SELENOK: variants seen among roughly 807,000 people sequenced by gnomAD.
SELENOK encodes the protein selenoprotein K.
In SELENOK, 11 loss-of-function variants were observed where a neutral mutation model predicts 17.3. That is an observed-to-expected ratio of 0.63 (90% CI 0.40 to 1.05). The LOEUF (loss-of-function observed/expected upper bound fraction) is 1.05, where lower values mean the gene tolerates loss of function less well. Ranked by LOEUF, SELENOK falls within the 50% of genes least tolerant of loss-of-function variation. SELENOK has a pLI of 0.00. For synonymous variants in SELENOK, 45 were observed against 35.4 expected (o/e 1.27, Z -0.97); for missense variants, 125 against 113.9 (o/e 1.10, Z -0.44).
In SELENOK at chr3:53,888,401, C is replaced by T; in HGVS notation, c.102G>A (p.Val34=). ...AGCTCTTCTATACTTACAACAAAAC[C>T]ACAAACTCAGCTATTCCCCAGAAGA... ...TDFFWGIAEF[V]VLFFKTLLQQ... The change falls in exon 2 of 5, where the codon GTG becomes GTA. Residue 34 remains valine, a synonymous_variant. Coordinates refer to ENST00000495461, the MANE Select transcript of SELENOK (RefSeq NM_021237.5). The T allele has an allele frequency of 6.2e-7, 1 of 1,610,602 alleles. No individual in the cohort carries two copies. Among genetic ancestry groups the T allele is most frequent in the Non-Finnish European group, 8.5e-7 (1 of 1,177,522 alleles).
chr3:53,885,667 TAAC>T, intron 4 of SELENOK, 106 bp from the exon 5 acceptor site: 1 of 1,308,152 alleles, frequency 7.6e-7, no homozygotes, highest in Non-Finnish European at 1.1e-6. Flanking sequence ...GACATTTTGA[TAAC>T]AAGGCCAGTG....
chr3:53,887,637 C>T (rs1700136455), intron 2 of SELENOK, among the ~76,000 whole-genome samples: 1 of 152,164 alleles, frequency 6.6e-6, no homozygotes, highest in South Asian at 2.1e-4. Flanking sequence ...AACTTCTATG[C>T]CATCCTTCAT....
At position 53,884,989 on chromosome 3, in the gene SELENOK, C is replaced by G. The variant is rs1700113790; in HGVS notation, c.*569G>C. On this transcript the variant is annotated 3_prime_UTR_variant, in exon 5 of 5. Coordinates refer to ENST00000495461, the MANE Select transcript of SELENOK (RefSeq NM_021237.5). ...TCATTTTGTAGCTCAGTTTTGTTAG[C>G]TATGGTTTTATAAATACCCTGATAA... 6.6e-6 allele frequency: 1 copy of G among 152,160 alleles called. No individual in the cohort carries two copies. The highest frequency in any genetic ancestry group is 1.5e-5 in the Non-Finnish European group (1 of 68,048). The allele number at this position is 152,160 out of a possible 1,614,324, so 9.4% of individuals were successfully genotyped here.
chr3:53,887,985 G>T (rs1417314337), intron 2 of SELENOK: 1 of 152,480 alleles, frequency 6.6e-6, no homozygotes, highest in South Asian at 2.1e-4. Flanking sequence ...TACTTCTTTG[G>T]AATTTTTTTT....
chr3:53,884,586 A>C lies in SELENOK; in HGVS notation c.*972T>G, dbSNP rs1700110254. ...AGTATTCAGATGGAGTTTAAAGCCAATAGGCAGTATTTTGAGTGATGCTAT... is the reference window on the plus strand; with the variant it reads ...AGTATTCAGATGGAGTTTAAAGCCACTAGGCAGTATTTTGAGTGATGCTAT... On this transcript the variant is annotated 3_prime_UTR_variant, in exon 5 of 5. Coordinates refer to ENST00000495461, the MANE Select transcript of SELENOK (RefSeq NM_021237.5). 6.6e-6 allele frequency: 1 copy of C among 152,242 alleles called. No individual in the cohort carries two copies. Among genetic ancestry groups the C allele is most frequent in the African/African-American group, 2.4e-5 (1 of 41,468 alleles). The allele number at this position is 152,242 out of a possible 1,614,324, so 9.4% of individuals were successfully genotyped here. A position where few individuals can be genotyped will look rare whatever the true frequency, so the allele number is the denominator to read the frequency against.
intron 1 of SELENOK, among the ~76,000 whole-genome samples, chr3:53,889,879 C>G (rs532038672): frequency 6.6e-6 from 1 of 152,294 alleles, no homozygotes; most frequent in East Asian, 1.9e-4. Flanking sequence ...TAGACTCTAG[C>G]TTTATCTTAA....
chr3:53,887,024 G>T (rs769091659), intron 2 of SELENOK, 90 bp from the exon 3 acceptor site: 1 of 1,056,514 alleles, frequency 9.5e-7, no homozygotes, highest in East Asian at 2.7e-5. Flanking sequence ...ATCTCTGTGA[G>T]AGGATTACTA....
chr3:53,891,623 G>C, intron 1 of SELENOK, 147 bp downstream of exon 1: 1 of 997,352 alleles, frequency 1.0e-6, no homozygotes, highest in Non-Finnish European at 1.5e-6. Flanking sequence ...GCAAGCCGAG[G>C]CGACTTCGGT....
At chr3:53,890,849 C>T (rs541803364) in intron 1 of SELENOK, 49 of 152,368 alleles carry the variant, frequency 3.2e-4, no homozygotes, top group African/African-American at 1.2e-3. Context: ...TGGAGAAAAA[C>T]AGATGACTCA....
In SELENOK at chr3:53,886,890, T is replaced by C. The variant is rs1297039488; in HGVS notation, c.155A>G (p.Tyr52Cys). 8 of 1,573,246 alleles carry C rather than the reference T, an allele frequency of 5.1e-6. No homozygotes were observed. Among genetic ancestry groups the C allele is most frequent in the Admixed American group, 1.8e-5 (1 of 54,612 alleles). Reference protein sequence around the residue: ...LQQDVKKRRSYGNSSDSRYDD... With the variant: ...LQQDVKKRRSCGNSSDSRYDD... Reference sequence around the variant, plus strand: ...ATATCTGGAATCAGATGAGTTTCCATAGCTTCTTCTTTTTTTCACATCTTG... The same window carrying C: ...ATATCTGGAATCAGATGAGTTTCCACAGCTTCTTCTTTTTTTCACATCTTG... The change falls in exon 3 of 5, where the codon TAT becomes TGT. Residue 52 changes from tyrosine (Y) to cysteine (C), a missense_variant. By Grantham distance (194) the Tyr-to-Cys change is radical. Coordinates refer to ENST00000495461, the MANE Select transcript of SELENOK (RefSeq NM_021237.5).
At chr3:53,887,296 G>A (rs9814547) in intron 2 of SELENOK, among the ~76,000 whole-genome samples, 2,493 of 152,300 alleles carry the variant, frequency 0.016, 87 homozygotes, top group African/African-American at 0.057. Context: ...GGAAGGAGGG[G>A]CCAAGGGTGG....
Position 53,886,981 on chromosome 3 carries a change from T to A in SELENOK, c.111-47A>T, listed in dbSNP as rs541034566. 14 of 1,369,320 alleles carry A rather than the reference T, an allele frequency of 1.0e-5. No homozygotes were observed. In the Admixed American group the frequency reaches 1.7e-4, roughly 16 times the overall value. The allele number at this position is 1,369,320 out of a possible 1,614,324, so 84.8% of individuals were successfully genotyped here. ...AACAAAGGTATCACTTTTGACAACATTCTAAAATATATTTCCATGTTTTTT... is the reference window on the plus strand; with the variant it reads ...AACAAAGGTATCACTTTTGACAACAATCTAAAATATATTTCCATGTTTTTT... On this transcript the variant is annotated intron_variant, in intron 2 of 4. Coordinates refer to ENST00000495461, the MANE Select transcript of SELENOK (RefSeq NM_021237.5).
chr3:53,885,941 G>C, intron 3 of SELENOK, 29 bp from the exon 4 acceptor site: 1 of 1,392,050 alleles, frequency 7.2e-7, no homozygotes, highest in East Asian at 2.6e-5. Flanking sequence ...AGTATCTACT[G>C]TTTGATAGAC....
rs1700117198 is a variant in SELENOK, at chr3:53,885,376, C to G, written c.*182G>C. Reference sequence around the variant, plus strand: ...TGCATTTATGGAACTGCATGTCAGTCAGGCCAGTTCCCTGCAGAGGGAATT... The same window carrying G: ...TGCATTTATGGAACTGCATGTCAGTGAGGCCAGTTCCCTGCAGAGGGAATT... On this transcript the variant is annotated 3_prime_UTR_variant, in exon 5 of 5. Coordinates refer to ENST00000495461, the MANE Select transcript of SELENOK (RefSeq NM_021237.5). The G allele has an allele frequency of 3.6e-6, 2 of 551,194 alleles. No homozygotes were observed. Among genetic ancestry groups the G allele is most frequent in the Admixed American group, 6.7e-5 (2 of 29,810 alleles). 34.1% of individuals were successfully genotyped at this position (551,194 alleles called of 1,614,324 possible). A position where few individuals can be genotyped will look rare whatever the true frequency, so the allele number is the denominator to read the frequency against.
Position 53,885,513 on chromosome 3 carries a change from G to A in SELENOK, c.*45C>T. 2 of 1,596,156 alleles carry A rather than the reference G, an allele frequency of 1.3e-6. No individual in the cohort carries two copies. Among genetic ancestry groups the A allele is most frequent in the Non-Finnish European group, 1.7e-6 (2 of 1,169,908 alleles). The stretch of plus-strand genomic sequence containing the variant: ...TTCCACTTCTTGATGGTTTCCTTCT[G>A]CTATGAATGCGCATGTCCGGTTGTC... On this transcript the variant is annotated 3_prime_UTR_variant, in exon 5 of 5. Coordinates refer to ENST00000495461, the MANE Select transcript of SELENOK (RefSeq NM_021237.5).
At chr3:53,889,523 T>A (rs145711992) in intron 1 of SELENOK, among the ~76,000 whole-genome samples, 1 of 152,354 alleles carries the variant, frequency 6.6e-6, no homozygotes, top group East Asian at 1.9e-4. Context: ...TGATGGACAC[T>A]TGAGTTGCTT....
Position 53,885,482 on chromosome 3 carries a change from T to A in SELENOK, c.*76A>T. The A allele has an allele frequency of 6.9e-7, 1 of 1,440,400 alleles. No homozygotes were observed. The allele number at this position is 1,440,400 out of a possible 1,614,324, so 89.2% of individuals were successfully genotyped here. On this transcript the variant is annotated 3_prime_UTR_variant, in exon 5 of 5. Transcript: ENST00000495461. Reference sequence around the variant, plus strand: ...CACATTCATCTACTGCTCATCATGGTCAGCCTTCCACTTCTTGATGGTTTC... The same window carrying A: ...CACATTCATCTACTGCTCATCATGGACAGCCTTCCACTTCTTGATGGTTTC...
In SELENOK at chr3:53,885,531, C is replaced by T. The variant is rs1279434144; in HGVS notation, c.*27G>A. The T allele has an allele frequency of 5.6e-6, 9 of 1,605,956 alleles. No homozygotes were observed. The highest frequency in any genetic ancestry group is 7.6e-6 in the Non-Finnish European group (9 of 1,176,522). ...TCCTTCTGCTATGAATGCGCATGTC[C>T]GGTTGTCTGCTTCTTAGAGCAGACA... On this transcript the variant is annotated 3_prime_UTR_variant, in exon 5 of 5. Transcript: ENST00000495461.
intron 1 of SELENOK, among the ~76,000 whole-genome samples, chr3:53,889,512 T>C (rs1425299637): frequency 6.6e-6 from 1 of 152,250 alleles, no homozygotes; most frequent in East Asian, 1.9e-4. Context: ...CTCATATCTG[T>C]TGATGGACAC....
Sources: gnomAD v4.1 joint callset for allele counts (sites outside exome capture counted in the v4.1 genomes callset) on GRCh38, gnomAD v4.1.1 for gene constraint, MANE v1.5 for transcripts, NCBI Gene and HGNC (gene_info 2026-07-23, HGNC 2026-07-21) for gene names.